TDRD1: variants seen among roughly 807,000 people sequenced by gnomAD.
TDRD1 encodes tudor domain containing 1.
TDRD1 carries 37 observed loss-of-function variants against 140.6 expected under a neutral mutation model. The observed-to-expected ratio is 0.26, with a 90% confidence interval of 0.20 to 0.35. The LOEUF (loss-of-function observed/expected upper bound fraction) is 0.35. Ranked by LOEUF, TDRD1 falls within the 10% of genes least tolerant of loss-of-function variation. The pLI is 1.00. For missense variants in TDRD1, 1,243 were observed against 1,393.0 expected (o/e 0.89, Z 1.71); for synonymous variants, 506 against 475.7 (o/e 1.06, Z -0.83).
chr10:114,205,635 T>G (rs989938373), intron 10 of TDRD1, among the ~76,000 whole-genome samples: 2 of 152,204 alleles, frequency 1.3e-5, no homozygotes, highest in African/African-American at 4.8e-5. Flanking sequence ...AAATCTTTCG[T>G]GTTCTTCAGG....
At chr10:114,228,952 G>A (rs191519205) in intron 25 of TDRD1, 135 of 193,684 alleles carry the variant, frequency 7.0e-4, no homozygotes, top group African/African-American at 3.1e-3. Flanking sequence ...GCATGGTGGT[G>A]CACACCTGTT....
chr10:114,225,800 C>T (rs1051883498), intron 21 of TDRD1, among the ~76,000 whole-genome samples: 6 of 150,176 alleles, frequency 4.0e-5, no homozygotes, highest in African/African-American at 9.8e-5. Flanking sequence ...GAGGTTGCAG[C>T]GAGCCAAGAT....
chr10:114,181,203 G>A (rs1200622719), intron 1 of TDRD1, among the ~76,000 whole-genome samples: 2 of 152,232 alleles, frequency 1.3e-5, no homozygotes, highest in Non-Finnish European at 2.9e-5. Context: ...TTAACGTAGA[G>A]AAATGTTGAG....
At chr10:114,195,884 T>G (rs1387318002) in intron 3 of TDRD1, among the ~76,000 whole-genome samples, 2 of 152,192 alleles carry the variant, frequency 1.3e-5, no homozygotes, top group African/African-American at 4.8e-5. Flanking sequence ...TTATCCAGTG[T>G]TTTCAAGTGT....
chr10:114,229,761 C>G (rs1022248481), intron 25 of TDRD1, among the ~76,000 whole-genome samples: 2 of 150,708 alleles, frequency 1.3e-5, no homozygotes, highest in African/African-American at 4.9e-5. Flanking sequence ...AAGGAACATG[C>G]AATGACATGG....
chr10:114,213,727 T>A, intron 15 of TDRD1, 139 bp downstream of exon 15: 1 of 883,110 alleles, frequency 1.1e-6, no homozygotes, highest in Non-Finnish European at 1.7e-6. Flanking sequence ...TAAATACTTG[T>A]AAGAATGTTT....
intron 3 of TDRD1, among the ~76,000 whole-genome samples, chr10:114,196,863 T>G (rs989721943): frequency 7.9e-6 from 1 of 126,634 alleles, no homozygotes; most frequent in Non-Finnish European, 1.7e-5. Flanking sequence ...TTTTTTTTTT[T>G]GAGACAGAAT....
At chr10:114,203,303 T>C in intron 7 of TDRD1, 85 bp from the exon 8 acceptor site, 1 of 1,521,178 alleles carries the variant, frequency 6.6e-7, no homozygotes, top group South Asian at 1.3e-5. Flanking sequence ...ACAATGCTGT[T>C]TGTGTCTTAG....
chr10:114,186,039 C>T (rs1287444456), intron 1 of TDRD1, among the ~76,000 whole-genome samples: 1 of 152,156 alleles, frequency 6.6e-6, no homozygotes, highest in Non-Finnish European at 1.5e-5. Flanking sequence ...AAGACTAACT[C>T]ATTGATACTT....
chr10:114,215,888 T>C (rs2035786843), intron 16 of TDRD1, among the ~76,000 whole-genome samples: 1 of 152,224 alleles, frequency 6.6e-6, no homozygotes, highest in South Asian at 2.1e-4. Context: ...TTTTCAGAGA[T>C]ACTCTATACA....
chr10:114,221,112 C>T (rs1484324771), intron 19 of TDRD1, among the ~76,000 whole-genome samples: 2 of 152,092 alleles, frequency 1.3e-5, no homozygotes, highest in African/African-American at 4.8e-5. Flanking sequence ...TGGAAATATA[C>T]AGAAATAAAC....
At chr10:114,206,283 G>A in exon 11 of TDRD1, 1 of 1,613,534 alleles carries the variant, frequency 6.2e-7, no homozygotes, top group Non-Finnish European at 8.5e-7. Flanking sequence ...ATGGGATATG[G>A]CTTGAAACCC....
At chr10:114,204,025 T>C (rs2034938752) in intron 8 of TDRD1, 48 bp from the exon 9 acceptor site, 2 of 1,572,032 alleles carry the variant, frequency 1.3e-6, no homozygotes, top group Admixed American at 2.1e-5. Flanking sequence ...TAATCTAAGA[T>C]TGTGAAATGC....
At chr10:114,203,923 A>T in intron 8 of TDRD1, 150 bp from the exon 9 acceptor site, 1 of 908,954 alleles carries the variant, frequency 1.1e-6, no homozygotes, top group Non-Finnish European at 1.6e-6. Flanking sequence ...TTTCTTAGCA[A>T]GATTCTTAAA....
At chr10:114,215,571 T>G (rs1054004879) in intron 16 of TDRD1, among the ~76,000 whole-genome samples, 1 of 152,168 alleles carries the variant, frequency 6.6e-6, no homozygotes, top group African/African-American at 2.4e-5. Flanking sequence ...GCATCATTGA[T>G]CTTAAGTTTT....
chr10:114,229,709 C>T (rs1244749084), intron 25 of TDRD1, among the ~76,000 whole-genome samples: 11 of 151,256 alleles, frequency 7.3e-5, no homozygotes, highest in South Asian at 2.1e-4. Context: ...CTGCCACACC[C>T]GGCTAATCTT....
chr10:114,197,256 TATTA>T (rs1479788398), intron 3 of TDRD1, among the ~76,000 whole-genome samples: 1 of 152,182 alleles, frequency 6.6e-6, no homozygotes, highest in African/African-American at 2.4e-5. Context: ...ACTATTCATT[TATTA>T]ATTCATTTTC....
intron 20 of TDRD1, 46 bp downstream of exon 20, chr10:114,221,522 T>C (rs764364167): frequency 2.5e-6 from 4 of 1,577,442 alleles, no homozygotes. Flanking sequence ...TCTTTTAAAC[T>C]GTAAAACGAA....
chr10:114,206,005 T>A (rs534639938), intron 10 of TDRD1, among the ~76,000 whole-genome samples: 1 of 152,270 alleles, frequency 6.6e-6, no homozygotes, highest in South Asian at 2.1e-4. Flanking sequence ...CTCACAAAAA[T>A]TTTAAAAATT....
Sources: gnomAD v4.1 joint callset for allele counts (sites outside exome capture counted in the v4.1 genomes callset) on GRCh38, gnomAD v4.1.1 for gene constraint, MANE v1.5 for transcripts, NCBI Gene and HGNC (gene_info 2026-07-23, HGNC 2026-07-21) for gene names.